ANKFY1: variants seen among roughly 807,000 people sequenced by gnomAD.
ANKFY1 encodes the protein ankyrin repeat and FYVE domain containing 1, also known as ankyrin repeat and FYVE domain-containing protein 1.
Under a neutral mutation model 128.3 loss-of-function variants are expected in ANKFY1, and 47 were observed. That is an observed-to-expected ratio of 0.37 (90% CI 0.29 to 0.47). The LOEUF is 0.47. Among genes scored for constraint, ANKFY1 ranks in the 20% least tolerant of loss-of-function variants. The pLI is 1.00. For missense variants in ANKFY1, 1,222 were observed against 1,510.6 expected (o/e 0.81, Z 3.17); for synonymous variants, 553 against 601.6 (o/e 0.92, Z 1.18).
chr17:4,211,615 C>T (rs546146384), intron 4 of ANKFY1, among the ~76,000 whole-genome samples: 139 of 152,184 alleles, frequency 9.1e-4, no homozygotes, highest in Non-Finnish European at 1.7e-3. Flanking sequence ...CACCTGTAAT[C>T]CCAGCACTCT....
At chr17:4,254,394 A>T (rs191317574) in intron 1 of ANKFY1, among the ~76,000 whole-genome samples, 136 of 151,780 alleles carry the variant, frequency 9.0e-4, no homozygotes, top group Admixed American at 2.2e-3. Flanking sequence ...GAACAGAGAG[A>T]AATTTGAAGA....
At chr17:4,238,450 T>C (rs1418856797) in intron 2 of ANKFY1, among the ~76,000 whole-genome samples, 1 of 151,940 alleles carries the variant, frequency 6.6e-6, no homozygotes, top group Non-Finnish European at 1.5e-5. Context: ...AGAGTTTCAA[T>C]CTTCTTTAGA....
intron 3 of ANKFY1, among the ~76,000 whole-genome samples, chr17:4,233,676 C>T (rs1436951448): frequency 6.6e-6 from 1 of 152,222 alleles, no homozygotes. Context: ...CTGAAACCTT[C>T]CTTTATCACC....
At chr17:4,180,075 G>T in intron 16 of ANKFY1, 198 bp from the exon 17 acceptor site, 1 of 648,506 alleles carries the variant, frequency 1.5e-6, no homozygotes, top group East Asian at 2.7e-5. Context: ...GGTCTTGGGG[G>T]TGGGCAACCC....
At chr17:4,216,732 T>G in intron 4 of ANKFY1, 1 of 502,252 alleles carries the variant, frequency 2.0e-6, no homozygotes, top group South Asian at 2.1e-5. Context: ...ATTTAATTTT[T>G]CAGTTTATAC....
intron 3 of ANKFY1, among the ~76,000 whole-genome samples, chr17:4,217,637 C>T (rs547499096): frequency 3.3e-5 from 5 of 152,138 alleles, no homozygotes; most frequent in African/African-American, 1.2e-4. Flanking sequence ...AAAGATATGT[C>T]GAATAAATTG....
In ANKFY1 at chr17:4,166,410, T is replaced by C. The variant is rs2059211688; in HGVS notation, c.*1369A>G. ...GTTAATCTCTGAGTATAACACATAT[T>C]GTTCATCTCAGAGTTGTTTTGTTTT... is the stretch of plus-strand genomic sequence containing the variant. On this transcript the variant is annotated 3_prime_UTR_variant, in exon 25 of 25. Coordinates refer to ENST00000341657, the MANE Select transcript of ANKFY1 (RefSeq NM_001330063.2). The C allele has an allele frequency of 1.3e-5, 2 of 152,700 alleles. No individual in the cohort carries two copies. The highest frequency in any genetic ancestry group is 4.8e-5 in the African/African-American group (2 of 41,470). 9.5% of individuals were successfully genotyped at this position (152,700 alleles called of 1,614,324 possible).
Position 4,242,088 on chromosome 17 carries a change from C to CA in ANKFY1, c.203+167dup, listed in dbSNP as rs34447049. On this transcript the variant is annotated intron_variant, in intron 2 of 24. Transcript: ENST00000341657. ...TGGGTAACAGAGCAGGACTCCAACT[C>CA]AAAAAAAAAAAAAAAAATCTTGCCT... Among the ~76,000 whole-genome samples, 353 of 132,406 alleles carry CA rather than the reference C, an allele frequency of 2.7e-3. 1 individual carries two copies. The highest frequency in any genetic ancestry group is 9.6e-3 in the African/African-American group (338 of 35,210). The allele number at this position is 132,406 out of a possible 152,430, so 86.9% of individuals were successfully genotyped here.
intron 1 of ANKFY1, among the ~76,000 whole-genome samples, chr17:4,244,358 G>T (rs950732600): frequency 2.0e-5 from 3 of 152,168 alleles, no homozygotes; most frequent in Non-Finnish European, 4.4e-5. Context: ...GCAAGTTAAT[G>T]GAAAAGGTCA....
Position 4,184,968 on chromosome 17 carries a change from G to T in ANKFY1, c.1549C>A (p.Pro517Thr). 6.2e-7 allele frequency: 1 copy of T among 1,614,042 alleles called. No homozygotes were observed. Among genetic ancestry groups the T allele is most frequent in the Non-Finnish European group, 8.5e-7 (1 of 1,180,040 alleles). ...AGAGCTTCCTCCGTCTGCAGGTTTG[G>T]GTTGGCGCCTTGCTGCAGGAGCTCT... is the stretch of plus-strand genomic sequence containing the variant. ...TAELLQQGAN[P>T]NLQTEEALPL... Residue 517 changes from proline (P) to threonine (T), a missense_variant, in exon 12 of 25, where the codon CCA (proline) becomes ACA (threonine). Transcript: ENST00000341657.
chr17:4,195,148 C>T lies in ANKFY1; in HGVS notation c.1202G>A (p.Gly401Asp), dbSNP rs1324859231. 1 of 1,610,718 alleles carries T rather than the reference C, an allele frequency of 6.2e-7. No individual in the cohort carries two copies. Among genetic ancestry groups the T allele is most frequent in the African/African-American group, 1.3e-5 (1 of 74,842 alleles). ...CACTGCCAGCCACAGAGCCGTGCTG[C>T]CCTCGTGGTCTTTGAGTTCTAAATC... ...QLDLELKDHEGSTALWLAVQH... is the reference protein window; with the variant it reads ...QLDLELKDHEDSTALWLAVQH... The change falls in exon 10 of 25, where the codon GGC becomes GAC. Residue 401 changes from glycine (G) to aspartate (D), a missense_variant. Transcript: ENST00000341657.
intron 2 of ANKFY1, among the ~76,000 whole-genome samples, chr17:4,240,050 T>C (rs891072137): frequency 1.0e-4 from 15 of 148,916 alleles, no homozygotes; most frequent in Non-Finnish European, 1.8e-4. Context: ...TTCACCTAGA[T>C]GACATTAGCA....
intron 3 of ANKFY1, among the ~76,000 whole-genome samples, chr17:4,229,945 G>A (rs1303896419): frequency 6.6e-6 from 1 of 152,206 alleles, no homozygotes; most frequent in African/African-American, 2.4e-5. Flanking sequence ...ATCCACCTTT[G>A]CAGGGAGAAA....
At chr17:4,208,179 C>A in intron 5 of ANKFY1, 97 bp from the exon 6 acceptor site, 1 of 1,206,108 alleles carries the variant, frequency 8.3e-7, no homozygotes, top group Non-Finnish European at 1.1e-6. Flanking sequence ...TCAGGCCCTT[C>A]TTTAAGGGCT....
chr17:4,175,816 G>A (rs2059402258), intron 19 of ANKFY1, among the ~76,000 whole-genome samples: 1 of 152,160 alleles, frequency 6.6e-6, no homozygotes, highest in Non-Finnish European at 1.5e-5. Context: ...TGGGGAAGGG[G>A]TTTCAGTATG....
chr17:4,263,659 G>A, intron 1 of ANKFY1: 1 of 1,534,206 alleles, frequency 6.5e-7, no homozygotes, highest in Non-Finnish European at 8.7e-7. Context: ...GGGCCCCGCG[G>A]CTGCACGCAG....
Position 4,209,879 on chromosome 17 carries a change from T to G in ANKFY1, c.527A>C (p.Glu176Ala). The change falls in exon 5 of 25, where the codon GAG (glutamate) becomes GCG (alanine). Residue 176 changes from glutamate (E) to alanine (A), a missense_variant. Coordinates refer to ENST00000341657, the MANE Select transcript of ANKFY1 (RefSeq NM_001330063.2). Reference protein sequence around the residue: ...NCIRFYQTAEELNASTLMNYC... With the variant: ...NCIRFYQTAEALNASTLMNYC... ...GTTCATCAGTGTGCTGGCATTCAGC[T>G]CCTCTGCCGTCTGGTAGAAGCGAAT... The G allele has an allele frequency of 6.2e-7, 1 of 1,614,032 alleles. No homozygotes were observed. Among genetic ancestry groups the G allele is most frequent in the Non-Finnish European group, 8.5e-7 (1 of 1,179,908 alleles).
chr17:4,173,488 C>G (rs2059360149), intron 20 of ANKFY1, 44 bp from the exon 21 acceptor site: 3 of 1,575,336 alleles, frequency 1.9e-6, no homozygotes, highest in Non-Finnish European at 2.6e-6. Flanking sequence ...GAAGCACATG[C>G]AGAAAAACCT....
intron 5 of ANKFY1, among the ~76,000 whole-genome samples, chr17:4,209,566 G>T (rs763106425): frequency 6.6e-6 from 1 of 152,238 alleles, no homozygotes; most frequent in African/African-American, 2.4e-5. Context: ...CTCCCAAAGT[G>T]CTGGAATTGC....
Sources: gnomAD v4.1 joint callset for allele counts (sites outside exome capture counted in the v4.1 genomes callset) on GRCh38, gnomAD v4.1.1 for gene constraint, MANE v1.5 for transcripts, NCBI Gene and HGNC (gene_info 2026-07-23, HGNC 2026-07-21) for gene names.